The following FSTL5 variants were observed in gnomAD, a reference collection of about 807,000 sequenced individuals.
FSTL5 encodes the protein follistatin-related protein 5.
FSTL5 carries 62 observed loss-of-function variants against 89.1 expected under a neutral mutation model. That is an observed-to-expected ratio of 0.70 (90% CI 0.57 to 0.86). The LOEUF (loss-of-function observed/expected upper bound fraction) is 0.86. FSTL5 is among the 40% of genes least tolerant of loss of function. The pLI is 0.00. For synonymous variants in FSTL5, 383 were observed against 346.2 expected, an observed-to-expected ratio of 1.11 and a Z score of -1.18; for missense variants, 1,057 against 1,001.6, an observed-to-expected ratio of 1.06 and a Z score of -0.75.
chr4:161,742,727 T>A (rs1740070359), intron 6 of FSTL5, among the ~76,000 whole-genome samples: 3 of 152,186 alleles, frequency 2.0e-5, no homozygotes, highest in African/African-American at 2.4e-5. Flanking sequence ...TGAACAATCA[T>A]GCAGTTGCAT....
chr4:161,814,171 C>T (rs1393710565), intron 4 of FSTL5, among the ~76,000 whole-genome samples: 1 of 152,036 alleles, frequency 6.6e-6, no homozygotes, highest in Non-Finnish European at 1.5e-5. Flanking sequence ...AGAAATTACA[C>T]AGAGAAGGAT....
At position 161,656,235 on chromosome 4, in the gene FSTL5, T is replaced by C. The variant is rs536833164; in HGVS notation, c.894+93A>G. The C allele has an allele frequency of 8.4e-6, 5 of 593,584 alleles. No homozygotes were observed. In the African/African-American group the frequency reaches 9.6e-5, roughly 11 times the overall value. 36.8% of individuals were successfully genotyped at this position (593,584 alleles called of 1,614,324 possible). On this transcript the variant is annotated intron_variant, in intron 7 of 15. Coordinates refer to ENST00000306100, the MANE Select transcript of FSTL5 (RefSeq NM_020116.5). ...CCCAATAATTCTCTTTTACTCTGCATCCAATATTCATTAAGCTCCCCTGAC... is the reference window on the plus strand; with the variant it reads ...CCCAATAATTCTCTTTTACTCTGCACCCAATATTCATTAAGCTCCCCTGAC...
At chr4:161,879,107 A>G (rs1732543113) in intron 4 of FSTL5, among the ~76,000 whole-genome samples, 1 of 152,134 alleles carries the variant, frequency 6.6e-6, no homozygotes, top group Non-Finnish European at 1.5e-5. Context: ...ACTTAGGTGA[A>G]TAGCTGGCCA....
At chr4:161,441,132 A>G (rs1732747351) in intron 15 of FSTL5, among the ~76,000 whole-genome samples, 1 of 152,142 alleles carries the variant, frequency 6.6e-6, no homozygotes, top group Non-Finnish European at 1.5e-5. Context: ...TAAGGCAGTC[A>G]GTGGCGCTAA....
intron 11 of FSTL5, among the ~76,000 whole-genome samples, chr4:161,504,340 A>G (rs558062730): frequency 6.6e-6 from 1 of 151,968 alleles, no homozygotes; most frequent in Non-Finnish European, 1.5e-5. Flanking sequence ...AAGTTTGAGT[A>G]GTGGTGATCA....
chr4:161,667,501 T>A (rs894873997), intron 6 of FSTL5, among the ~76,000 whole-genome samples: 2 of 152,054 alleles, frequency 1.3e-5, no homozygotes, highest in Non-Finnish European at 2.9e-5. Flanking sequence ...AACATTATAA[T>A]GTTGGAATAG....
intron 7 of FSTL5, among the ~76,000 whole-genome samples, chr4:161,617,602 G>C (rs1030447236): frequency 1.4e-4 from 22 of 151,972 alleles, no homozygotes; most frequent in African/African-American, 5.3e-4. Context: ...AGGATGAAGA[G>C]AAAATATTTA....
chr4:161,767,965 C>T (rs1408685530), intron 5 of FSTL5, among the ~76,000 whole-genome samples: 8 of 139,202 alleles, frequency 5.7e-5, no homozygotes, highest in South Asian at 2.1e-4. Flanking sequence ...CGCACATATG[C>T]GAGAGAGAAC....
At chr4:161,583,722 A>G (rs1386505696) in intron 8 of FSTL5, among the ~76,000 whole-genome samples, 3 of 152,346 alleles carry the variant, frequency 2.0e-5, no homozygotes, top group African/African-American at 7.2e-5. Context: ...TTAGTGGTCC[A>G]CAGAGTCCTT....
intron 13 of FSTL5, among the ~76,000 whole-genome samples, chr4:161,471,528 T>C (rs570662590): frequency 6.6e-6 from 1 of 152,300 alleles, no homozygotes; most frequent in Non-Finnish European, 1.5e-5. Flanking sequence ...CTTGTAGTGT[T>C]TTTGTCTGGC....
rs185881457 is a variant in FSTL5 at position 161,789,397 on chromosome 4, G to T, written c.410-13323C>A. Among the ~76,000 whole-genome samples, 164 of 151,996 alleles carry T rather than the reference G, an allele frequency of 1.1e-3. 1 individual carries two copies. The highest frequency in any genetic ancestry group is 4.9e-3 in the Admixed American group (75 of 15,266). ...ATTCTAGCCTTTTGTGGCCTTTGAG[G>T]TATTTTATTACCCTATAAATTTCAA... On this transcript the variant is annotated intron_variant, in intron 4 of 15. Transcript: ENST00000306100.
chr4:161,690,253 T>C (rs1344709167), intron 6 of FSTL5, among the ~76,000 whole-genome samples: 1 of 152,158 alleles, frequency 6.6e-6, no homozygotes, highest in African/African-American at 2.4e-5. Flanking sequence ...ATTTTCTACC[T>C]CCTTGTCTAT....
chr4:161,567,102 AC>A (rs1332621112), intron 8 of FSTL5, among the ~76,000 whole-genome samples: 1 of 152,090 alleles, frequency 6.6e-6, no homozygotes, highest in East Asian at 1.9e-4. Flanking sequence ...CACTGCCCGA[AC>A]CATCTGAAGC....
At chr4:161,592,149 T>A (rs1040543803) in intron 7 of FSTL5, among the ~76,000 whole-genome samples, 1 of 152,152 alleles carries the variant, frequency 6.6e-6, no homozygotes, top group Admixed American at 6.5e-5. Context: ...GCTGGGTAGA[T>A]CCACTGAAGT....
At chr4:161,860,972 A>C (rs949202747) in intron 4 of FSTL5, among the ~76,000 whole-genome samples, 1 of 152,168 alleles carries the variant, frequency 6.6e-6, no homozygotes, top group African/African-American at 2.4e-5. Flanking sequence ...ACAAAAAGAT[A>C]ATACCTTTAA....
At chr4:161,439,435 T>G (rs1401379975) in intron 15 of FSTL5, among the ~76,000 whole-genome samples, 1 of 152,318 alleles carries the variant, frequency 6.6e-6, no homozygotes, top group Non-Finnish European at 1.5e-5. Context: ...GCTCCGCAAT[T>G]CAATAACCAT....
chr4:161,748,606 G>GTTT (rs5863480), intron 6 of FSTL5, among the ~76,000 whole-genome samples: 21 of 103,498 alleles, frequency 2.0e-4, no homozygotes, highest in African/African-American at 3.4e-4. Flanking sequence ...GGGGAAGCAC[G>GTTT]TTTTTTTTTT....
intron 5 of FSTL5, among the ~76,000 whole-genome samples, chr4:161,774,836 G>A (rs1741348285): frequency 6.6e-6 from 1 of 151,968 alleles, no homozygotes; most frequent in Non-Finnish European, 1.5e-5. Flanking sequence ...GTGTATGACA[G>A]CATAGATATC....
chr4:161,766,629 T>C (rs1741008829), intron 5 of FSTL5, among the ~76,000 whole-genome samples: 1 of 152,192 alleles, frequency 6.6e-6, no homozygotes, highest in Non-Finnish European at 1.5e-5. Context: ...CCTCAATTAC[T>C]TATACAAATA....
Sources: gnomAD v4.1 joint callset for allele counts (sites outside exome capture counted in the v4.1 genomes callset) on GRCh38, gnomAD v4.1.1 for gene constraint, MANE v1.5 for transcripts, NCBI Gene and HGNC (gene_info 2026-07-23, HGNC 2026-07-21) for gene names.